GTF3C4: variants seen among roughly 807,000 people sequenced by gnomAD.
The protein encoded by GTF3C4 is general transcription factor IIIC subunit 4, also known as general transcription factor 3C polypeptide 4.
A neutral mutation model predicts 67.5 loss-of-function variants in GTF3C4; 28 were observed. The ratio of observed to expected loss-of-function variants is 0.41; its 90% CI spans 0.31 to 0.57. The LOEUF is 0.57. GTF3C4 is among the 20% of genes least tolerant of loss of function. The probability of loss-of-function intolerance (pLI) is 0.21; values close to 1 mark genes in which losing one functional copy is unlikely to be tolerated. For missense variants in GTF3C4, 831 were observed against 1,033.2 expected (o/e 0.80, Z 2.68); for synonymous variants, 409 against 393.0 (o/e 1.04, Z -0.48).
rs1835897071 is a variant in GTF3C4 at position 132,678,596 on chromosome 9, G to A, written c.977G>A (p.Arg326Gln). The change falls in exon 2 of 5, where the codon CGA (arginine) becomes CAA (glutamine). Residue 326 changes from arginine to glutamine, a missense_variant. Physicochemically the swap from Arg to Gln is conservative, Grantham distance 43. Transcript: ENST00000372146. This position sits in a 1 kb window ranked among gnomAD's most constrained non-coding sequence, Gnocchi z 6.5. Reference protein sequence around the residue: ...LFWWEYEHNNRKMSGLIVGSA... With the variant: ...LFWWEYEHNNQKMSGLIVGSA... ...TGGTGGGAATATGAGCACAATAATCGAAAAATGAGTGGCCTTATTGTGGGG... is the reference window on the plus strand; with the variant it reads ...TGGTGGGAATATGAGCACAATAATCAAAAAATGAGTGGCCTTATTGTGGGG... The A allele has an allele frequency of 3.7e-6, 6 of 1,614,068 alleles. No homozygotes were observed. Among genetic ancestry groups the A allele is most frequent in the Middle Eastern group, 1.6e-4 (1 of 6,062 alleles).
rs1218898319 is a variant in GTF3C4, at chr9:132,692,992, TAATGG to T, written c.*4051_*4055del. 6.6e-6 allele frequency: 1 copy of T among 152,226 alleles called. No homozygotes were observed. Among genetic ancestry groups the T allele is most frequent in the Non-Finnish European group, 1.5e-5 (1 of 68,028 alleles). 9.4% of individuals were successfully genotyped at this position (152,226 alleles called of 1,614,324 possible). ...GAGCATGTGAAATGCAACTGTCCTT[TAATGG>T]AATTCAGCCAAACTCCAAAAATACT... On this transcript the variant is annotated 3_prime_UTR_variant, in exon 5 of 5. Coordinates refer to ENST00000372146, the MANE Select transcript of GTF3C4 (RefSeq NM_012204.4).
At chr9:132,671,360 G>A (rs1835753063) in intron 1 of GTF3C4, among the ~76,000 whole-genome samples, 1 of 152,264 alleles carries the variant, frequency 6.6e-6, no homozygotes, top group South Asian at 2.1e-4. Flanking sequence ...CCGACTTTCC[G>A]AGGTTCTTGG....
In GTF3C4 at chr9:132,678,801, A is replaced by C; in HGVS notation, c.1182A>C (p.Ala394=). ...GTAGTTGCAGCTTAGTAGTGGCTGC[A>C]AGAGGCTCTTATGTATTTTGGTGTC... ...QKCSCSLVVA[A]RGSYVFWCLL... The change falls in exon 2 of 5, where the codon GCA becomes GCC. Residue 394 remains alanine, a synonymous_variant. Transcript: ENST00000372146. The surrounding 1 kb of genome is among the most constrained non-coding windows in gnomAD (Gnocchi z 6.5). 6.2e-7 allele frequency: 1 copy of C among 1,614,194 alleles called. No individual in the cohort carries two copies. Among genetic ancestry groups the C allele is most frequent in the East Asian group, 2.2e-5 (1 of 44,880 alleles).
Position 132,670,596 on chromosome 9 carries a change from A to G in GTF3C4, c.-3A>G. 1 of 1,444,708 alleles carries G rather than the reference A, an allele frequency of 6.9e-7. No individual in the cohort carries two copies. The highest frequency in any genetic ancestry group is 9.0e-7 in the Non-Finnish European group (1 of 1,108,876). 89.5% of individuals were successfully genotyped at this position (1,444,708 alleles called of 1,614,324 possible). On this transcript the variant is annotated 5_prime_UTR_variant, in exon 1 of 5. Transcript: ENST00000372146. The stretch of plus-strand genomic sequence containing the variant: ...GGCGTCCGACCTCTGCACCTGAGAG[A>G]AGATGAACACGGCCGACCAGGCCCG...
chr9:132,670,264 T>C, upstream of GTF3C4: 5 of 1,518,998 alleles, frequency 3.3e-6, no homozygotes, highest in South Asian at 2.5e-5. Flanking sequence ...CCGACGAGCC[T>C]CCCCTTTACC....
At chr9:132,682,112 AAG>A (rs1284133514) in intron 2 of GTF3C4, among the ~76,000 whole-genome samples, 1 of 152,120 alleles carries the variant, frequency 6.6e-6, no homozygotes, top group African/African-American at 2.4e-5. Context: ...AAAAAGGAAA[AAG>A]AAAAAATAGA....
At chr9:132,682,121 T>C (rs1317263802) in intron 2 of GTF3C4, among the ~76,000 whole-genome samples, 1 of 151,356 alleles carries the variant, frequency 6.6e-6, no homozygotes, top group African/African-American at 2.4e-5. Flanking sequence ...AAAGAAAAAA[T>C]AGAGGTATGT....
chr9:132,684,730 GCAGATGTC>G (rs1835999971), intron 3 of GTF3C4, among the ~76,000 whole-genome samples: 1 of 152,178 alleles, frequency 6.6e-6, no homozygotes, highest in East Asian at 1.9e-4. Flanking sequence ...TGCTGTTCCA[GCAGATGTC>G]CACGTGGCTT....
At chr9:132,681,832 G>C (rs1388881860) in intron 2 of GTF3C4, among the ~76,000 whole-genome samples, 1 of 151,986 alleles carries the variant, frequency 6.6e-6, no homozygotes, top group Non-Finnish European at 1.5e-5. Flanking sequence ...GTAAAATTGA[G>C]ATATATCTGG....
chr9:132,677,944 T>G, intron 1 of GTF3C4, 33 bp from the exon 2 acceptor site: 1 of 1,543,098 alleles, frequency 6.5e-7, no homozygotes, highest in Non-Finnish European at 8.7e-7. Flanking sequence ...GAGTAAATGC[T>G]CATCTGATAG....
Position 132,679,603 on chromosome 9 carries a change from C to T in GTF3C4, c.1984C>T (p.Arg662Cys), listed in dbSNP as rs781306541. ...CCCCACGACTGGAGATGCTGGAGGCCGTGAGCCAATGGAAGAGAAACTCCT... is the reference window on the plus strand; with the variant it reads ...CCCCACGACTGGAGATGCTGGAGGCTGTGAGCCAATGGAAGAGAAACTCCT... The part of the protein sequence containing the change: ...SLPTTGDAGG[R>C]EPMEEKLLEI... Residue 662 changes from arginine to cysteine, a missense_variant, in exon 2 of 5, where the codon CGT becomes TGT. Physicochemically the swap from Arg to Cys is radical, Grantham distance 180 (BLOSUM62 -3). Around this residue, in one of 4 missense-constraint regions of GTF3C4, gnomAD observed 129 missense variants for 213.8 expected, o/e 0.60. Coordinates refer to ENST00000372146, the MANE Select transcript of GTF3C4 (RefSeq NM_012204.4). The surrounding 1 kb of genome is among the most constrained non-coding windows in gnomAD (Gnocchi z 5.9). 1.1e-4 allele frequency: 184 copies of T among 1,613,918 alleles called. No homozygotes were observed. Among genetic ancestry groups the T allele is most frequent in the South Asian group, 1.4e-4 (13 of 91,072 alleles).
chr9:132,679,192 C>G lies in GTF3C4; in HGVS notation c.1573C>G (p.Leu525Val). ...LKTFEEAAAQ[L>V]LESSVQNLFK... ...AACCTTTGAAGAGGCAGCTGCTCAG[C>G]TCCTGGAATCTTCAGTTCAAAACCT... The change falls in exon 2 of 5, where the codon CTC (leucine) becomes GTC (valine). Residue 525 changes from leucine to valine, a missense_variant. This residue lies in a region of GTF3C4 where 390 missense variants were observed against 540.3 expected (regional missense o/e 0.72). Transcript: ENST00000372146. This position sits in a 1 kb window ranked among gnomAD's most constrained non-coding sequence, Gnocchi z 5.9. 6.2e-7 allele frequency: 1 copy of G among 1,614,160 alleles called. No individual in the cohort carries two copies. The highest frequency in any genetic ancestry group is 2.2e-5 in the East Asian group (1 of 44,890).
chr9:132,678,021 C>G lies in GTF3C4; in HGVS notation c.402C>G (p.Ala134=), dbSNP rs781438074. Residue 134 remains alanine (A), a synonymous_variant, in exon 2 of 5, where the codon GCC becomes GCG. Transcript: ENST00000372146. This position sits in a 1 kb window ranked among gnomAD's most constrained non-coding sequence, Gnocchi z 6.5. ...TEVAECKEKF[A]ASKDPTVSQT... Reference sequence around the variant, plus strand: ...TTGCTGAGTGCAAGGAGAAATTCGCCGCCTCCAAGGACCCCACGGTCAGTC... The same window carrying G: ...TTGCTGAGTGCAAGGAGAAATTCGCGGCCTCCAAGGACCCCACGGTCAGTC... 9 of 1,611,908 alleles carry G rather than the reference C, an allele frequency of 5.6e-6. No homozygotes were observed. Among genetic ancestry groups the G allele is most frequent in the Admixed American group, 1.7e-5 (1 of 59,472 alleles).
At chr9:132,670,455 G>A, upstream of GTF3C4, 1 of 948,044 alleles carries the variant, frequency 1.1e-6, no homozygotes. Context: ...TGGCAACGGC[G>A]GGGTCCTTCT....
In GTF3C4 at chr9:132,689,214, C is replaced by T; in HGVS notation, c.*269C>T. On this transcript the variant is annotated 3_prime_UTR_variant, in exon 5 of 5. Coordinates refer to ENST00000372146, the MANE Select transcript of GTF3C4 (RefSeq NM_012204.4). ...CCCCAGCTTTGTAACCAATGAGGAA[C>T]ACTTACTTATTTTTAAGTATCTTGA... 2.3e-6 allele frequency: 1 copy of T among 432,566 alleles called. No homozygotes were observed. Among genetic ancestry groups the T allele is most frequent in the South Asian group, 3.1e-5 (1 of 32,668 alleles). 26.8% of individuals were successfully genotyped at this position (432,566 alleles called of 1,614,324 possible).
At chr9:132,672,897 G>T (rs1191720442) in intron 1 of GTF3C4, among the ~76,000 whole-genome samples, 1 of 152,148 alleles carries the variant, frequency 6.6e-6, no homozygotes, top group Non-Finnish European at 1.5e-5. Context: ...AAAATATAAT[G>T]AGTTGGGCCG....
chr9:132,687,191 T>C (rs753504041), intron 3 of GTF3C4, 48 bp from the exon 4 acceptor site: 2 of 981,248 alleles, frequency 2.0e-6, no homozygotes, highest in Non-Finnish European at 3.3e-6. Context: ...TTCTGAGTGT[T>C]AGTAGAGCAA....
At chr9:132,684,285 GC>G (rs1314914925) in intron 3 of GTF3C4, among the ~76,000 whole-genome samples, 1 of 152,084 alleles carries the variant, frequency 6.6e-6, no homozygotes. Flanking sequence ...ATATCTAACT[GC>G]CTGCTCAGTA....
chr9:132,679,284 A>G lies in GTF3C4; in HGVS notation c.1665A>G (p.Gln555=), dbSNP rs769662359. 2.0e-5 allele frequency: 32 copies of G among 1,613,822 alleles called. No homozygotes were observed. The highest frequency in any genetic ancestry group is 2.6e-5 in the Non-Finnish European group (31 of 1,179,920). ...TTTTAAAAGATAAACATATCCCTCA[A>G]TTTTTACAAGAAGCTTTGGAAAAAA... ...WKILKDKHIP[Q]FLQEALEKKI... The change falls in exon 2 of 5, where the codon CAA becomes CAG. Residue 555 remains glutamine (Q), a synonymous_variant. Coordinates refer to ENST00000372146, the MANE Select transcript of GTF3C4 (RefSeq NM_012204.4). The surrounding 1 kb of genome is among the most constrained non-coding windows in gnomAD (Gnocchi z 5.9).
Sources: allele counts gnomAD v4.1 joint callset (sites outside exome capture counted in the v4.1 genomes callset), GRCh38; gene constraint gnomAD v4.1.1; regional missense constraint gnomAD v4.1.1; non-coding constraint Gnocchi (gnomAD v3.1); transcripts MANE v1.5; gene names NCBI Gene and HGNC (gene_info 2026-07-23, HGNC 2026-07-21).